The following CHD6 variants were observed in gnomAD, a reference collection of about 807,000 sequenced individuals.
The protein encoded by CHD6 is ATP-dependent chromatin remodeler CHD6.
A neutral mutation model predicts 276.9 loss-of-function variants in CHD6; 50 were observed. That is an observed-to-expected ratio of 0.18 (90% CI 0.14 to 0.23). CHD6 has a LOEUF of 0.23. Among genes scored for constraint, CHD6 ranks in the 10% least tolerant of loss-of-function variants. The probability of loss-of-function intolerance (pLI) is 1.00; values close to 1 mark genes in which losing one functional copy is unlikely to be tolerated. For missense variants in CHD6, 2,564 were observed against 3,365.8 expected (o/e 0.76, Z 5.89); for synonymous variants, 1,173 against 1,229.3 (o/e 0.95, Z 0.96).
At chr20:41,439,526 C>T (rs368872731) in intron 26 of CHD6, among the ~76,000 whole-genome samples, 1 of 152,206 alleles carries the variant, frequency 6.6e-6, no homozygotes, top group Non-Finnish European at 1.5e-5. Context: ...GCTGAAATGT[C>T]ATGGCCGTCA....
rs115271600 is a variant in CHD6, at chr20:41,556,484, G to A, written c.-23-5124C>T. Among the ~76,000 whole-genome samples the A allele has an allele frequency of 1.5e-3, 222 of 152,226 alleles. 1 individual carries two copies. Among genetic ancestry groups the A allele is most frequent in the African/African-American group, 4.9e-3 (204 of 41,526 alleles). On this transcript the variant is annotated intron_variant, in intron 1 of 36. Coordinates refer to ENST00000373233, the MANE Select transcript of CHD6 (RefSeq NM_032221.5). Reference sequence around the variant, plus strand: ...TAAGGAATATCTCCTAAGGCCATAAGCGGGTAGGAAATGAACCTGACCCCT... The same window carrying A: ...TAAGGAATATCTCCTAAGGCCATAAACGGGTAGGAAATGAACCTGACCCCT...
In CHD6 at chr20:41,440,134, T is replaced by C; in HGVS notation, c.3878-5A>G. Reference sequence around the variant, plus strand: ...TGGCATTGTACCTTTCATAACCTGATCAAGAGTGGTGAGAAATGCCAGAAG... The same window carrying C: ...TGGCATTGTACCTTTCATAACCTGACCAAGAGTGGTGAGAAATGCCAGAAG... On this transcript the variant is annotated splice_polypyrimidine_tract_variant and splice_region_variant and intron_variant, in intron 25 of 36. Transcript: ENST00000373233. The C allele has an allele frequency of 6.2e-7, 1 of 1,612,608 alleles. No homozygotes were observed.
chr20:41,468,617 T>C (rs772626658), intron 17 of CHD6, among the ~76,000 whole-genome samples: 4 of 152,234 alleles, frequency 2.6e-5, no homozygotes, highest in Non-Finnish European at 5.9e-5. Flanking sequence ...AATGACTACA[T>C]AGTATAGTAT....
At chr20:41,586,434 G>A (rs2045595656) in intron 1 of CHD6, among the ~76,000 whole-genome samples, 1 of 152,142 alleles carries the variant, frequency 6.6e-6, no homozygotes, top group South Asian at 2.1e-4. Context: ...CTAGTCTCTG[G>A]GTTCCACGGT....
At chr20:41,555,552 G>A (rs202153120) in intron 1 of CHD6, among the ~76,000 whole-genome samples, 29 of 149,178 alleles carry the variant, frequency 1.9e-4, no homozygotes, top group South Asian at 6.4e-4. Flanking sequence ...GTTGCCAGGC[G>A]GAGGGTCTCC....
intron 1 of CHD6, among the ~76,000 whole-genome samples, chr20:41,568,824 G>A (rs1340373309): frequency 6.6e-6 from 1 of 152,180 alleles, no homozygotes; most frequent in Non-Finnish European, 1.5e-5. Context: ...GAAGGATGCT[G>A]CACCCTGATG....
At chr20:41,610,757 CAAAA>C (rs1208790367) in intron 1 of CHD6, among the ~76,000 whole-genome samples, 4 of 103,038 alleles carry the variant, frequency 3.9e-5, no homozygotes, top group Admixed American at 1.1e-4. Flanking sequence ...GACTCCGTCT[CAAAA>C]AATAAATAAA....
At chr20:41,428,836 G>A (rs901432236) in intron 27 of CHD6, among the ~76,000 whole-genome samples, 7 of 152,150 alleles carry the variant, frequency 4.6e-5, no homozygotes, top group Non-Finnish European at 8.8e-5. Context: ...GAGCTCCCTC[G>A]TCTCTACAAT....
intron 25 of CHD6, among the ~76,000 whole-genome samples, chr20:41,441,160 G>T (rs1480183485): frequency 6.6e-6 from 1 of 152,142 alleles, no homozygotes; most frequent in Non-Finnish European, 1.5e-5. Flanking sequence ...TTATGGCAAT[G>T]ACTTGATTGC....
At chr20:41,590,262 T>C (rs900379069) in intron 1 of CHD6, among the ~76,000 whole-genome samples, 4 of 152,150 alleles carry the variant, frequency 2.6e-5, no homozygotes, top group Admixed American at 1.3e-4. Flanking sequence ...ATAAAAACGC[T>C]AGAAGAAAAC....
At chr20:41,450,211 C>G (rs1414754277) in intron 23 of CHD6, among the ~76,000 whole-genome samples, 2 of 152,202 alleles carry the variant, frequency 1.3e-5, no homozygotes, top group Non-Finnish European at 2.9e-5. Flanking sequence ...AGCAAAAGCT[C>G]TTAACCTATA....
intron 27 of CHD6, among the ~76,000 whole-genome samples, chr20:41,432,160 CAAAA>C (rs572447937): frequency 2.0e-4 from 12 of 58,972 alleles, no homozygotes; most frequent in African/African-American, 5.2e-4. Flanking sequence ...AACTCCGTCT[CAAAA>C]AAAAAAAAAA....
At chr20:41,430,745 G>A (rs1428118749) in intron 27 of CHD6, among the ~76,000 whole-genome samples, 2 of 152,006 alleles carry the variant, frequency 1.3e-5, no homozygotes, top group Admixed American at 6.6e-5. Flanking sequence ...TGAGAATAAG[G>A]TATTATGTTC....
intron 17 of CHD6, among the ~76,000 whole-genome samples, chr20:41,470,354 T>TAA (rs796889786): frequency 6.9e-6 from 1 of 144,516 alleles, no homozygotes. Context: ...GGCTAGACTT[T>TAA]AAAAAAAAAA....
intron 5 of CHD6, among the ~76,000 whole-genome samples, chr20:41,500,301 A>C (rs2043800455): frequency 6.6e-6 from 1 of 152,158 alleles, no homozygotes; most frequent in South Asian, 2.1e-4. Flanking sequence ...CTAGGGTGTA[A>C]AGCCATAAAA....
At chr20:41,498,483 C>G (rs2043740377) in intron 6 of CHD6, among the ~76,000 whole-genome samples, 1 of 152,102 alleles carries the variant, frequency 6.6e-6, no homozygotes, top group African/African-American at 2.4e-5. Context: ...GCTGATAAAC[C>G]CAAACTGGCC....
At chr20:41,458,352 A>T (rs950144650) in intron 17 of CHD6, among the ~76,000 whole-genome samples, 2 of 152,230 alleles carry the variant, frequency 1.3e-5, no homozygotes, top group Non-Finnish European at 2.9e-5. Flanking sequence ...ATGGGATACA[A>T]TGAAGGCATG....
chr20:41,554,598 G>A (rs1050151401), intron 1 of CHD6, among the ~76,000 whole-genome samples: 3 of 151,102 alleles, frequency 2.0e-5, no homozygotes, highest in Admixed American at 1.3e-4. Context: ...GACTCTTAAC[G>A]AGCATGCTGC....
chr20:41,563,803 G>T (rs1287226115), intron 1 of CHD6, among the ~76,000 whole-genome samples: 3 of 152,170 alleles, frequency 2.0e-5, no homozygotes, highest in Non-Finnish European at 4.4e-5. Flanking sequence ...GAACACAGCT[G>T]TGAACACAGG....
Sources: allele counts gnomAD v4.1 joint callset (sites outside exome capture counted in the v4.1 genomes callset), GRCh38; gene constraint gnomAD v4.1.1; transcripts MANE v1.5; gene names NCBI Gene and HGNC (gene_info 2026-07-23, HGNC 2026-07-21).